FYTTD1: variants seen among roughly 807,000 people sequenced by gnomAD.
The protein encoded by FYTTD1 is UAP56-interacting factor.
In FYTTD1, 22 loss-of-function variants were observed where a neutral mutation model predicts 40.9. The ratio of observed to expected loss-of-function variants is 0.54; its 90% CI spans 0.38 to 0.77. The LOEUF (loss-of-function observed/expected upper bound fraction) is 0.77, where lower values mean the gene tolerates loss of function less well. Among genes scored for constraint, FYTTD1 ranks in the 30% least tolerant of loss-of-function variants. The pLI is 0.00. For synonymous variants in FYTTD1, 140 were observed against 137.9 expected (o/e 1.01, Z -0.10); for missense variants, 351 against 392.2 (o/e 0.90, Z 0.89).
chr3:197,769,753 T>G (rs1729660687), intron 3 of FYTTD1, among the ~76,000 whole-genome samples: 1 of 152,148 alleles, frequency 6.6e-6, no homozygotes, highest in South Asian at 2.1e-4. Flanking sequence ...TTTATAGAAA[T>G]TATTCCCTGA....
At position 197,787,166 on chromosome 3, in the gene FYTTD1, G is replaced by T. The variant is rs1342933823; in HGVS notation, c.*5257G>T. ...CTTGCTCTGTTGCCCAGGCTGGAGTGCAGTAGTGATCTTGGCTCACTGCAG... is the reference window on the plus strand; with the variant it reads ...CTTGCTCTGTTGCCCAGGCTGGAGTTCAGTAGTGATCTTGGCTCACTGCAG... On this transcript the variant is annotated 3_prime_UTR_variant, in exon 9 of 9. Coordinates refer to ENST00000241502, the MANE Select transcript of FYTTD1 (RefSeq NM_032288.7). The T allele has an allele frequency of 7.1e-6, 1 of 139,868 alleles. No individual in the cohort carries two copies. The highest frequency in any genetic ancestry group is 2.2e-4 in the East Asian group (1 of 4,578). The allele number at this position is 139,868 out of a possible 1,614,324, so 8.7% of individuals were successfully genotyped here.
intron 4 of FYTTD1, among the ~76,000 whole-genome samples, chr3:197,771,641 G>A (rs1729719914): frequency 6.6e-6 from 1 of 151,808 alleles, no homozygotes; most frequent in Admixed American, 6.6e-5. Context: ...GCCGGGCGTG[G>A]TGGCGGGCGC....
Position 197,784,714 on chromosome 3 carries a change from C to T in FYTTD1, c.*2805C>T, listed in dbSNP as rs538430225. On this transcript the variant is annotated 3_prime_UTR_variant, in exon 9 of 9. Transcript: ENST00000241502. Reference sequence around the variant, plus strand: ...GCTGAGGCGGGAGAATTGCTTGAATCCAGGAAGCAGAGATTGCAGTGAGCC... The same window carrying T: ...GCTGAGGCGGGAGAATTGCTTGAATTCAGGAAGCAGAGATTGCAGTGAGCC... 1.3e-5 allele frequency: 2 copies of T among 152,264 alleles called. No individual in the cohort carries two copies. The highest frequency in any genetic ancestry group is 3.9e-4 in the East Asian group (2 of 5,180). The allele number at this position is 152,264 out of a possible 1,614,324, so 9.4% of individuals were successfully genotyped here.
chr3:197,750,106 CG>C, intron 1 of FYTTD1, 32 bp downstream of exon 1: 3 of 1,471,274 alleles, frequency 2.0e-6, no homozygotes, highest in South Asian at 1.2e-5. Flanking sequence ...AGTTGGAGTG[CG>C]GGGGAGGGCG....
intron 2 of FYTTD1, among the ~76,000 whole-genome samples, 178 bp from the exon 3 acceptor site, chr3:197,768,261 C>A (rs762778078): frequency 1.2e-4 from 19 of 152,152 alleles, no homozygotes; most frequent in Non-Finnish European, 2.8e-4. Context: ...GCCACAGAAC[C>A]CTTCCCAATG....
chr3:197,775,593 G>A (rs1054592761), intron 6 of FYTTD1, among the ~76,000 whole-genome samples: 5 of 152,120 alleles, frequency 3.3e-5, no homozygotes, highest in Non-Finnish European at 5.9e-5. Flanking sequence ...TTCATTCTGC[G>A]GTTGCAACTG....
chr3:197,754,784 C>T (rs1729164401), intron 1 of FYTTD1, among the ~76,000 whole-genome samples: 1 of 151,686 alleles, frequency 6.6e-6, no homozygotes, highest in Non-Finnish European at 1.5e-5. Context: ...CCCACCTCAG[C>T]CTCCTGGGTA....
At chr3:197,750,556 G>A (rs889870682) in intron 1 of FYTTD1, 27 of 985,556 alleles carry the variant, frequency 2.7e-5, no homozygotes, top group African/African-American at 2.1e-4. Context: ...TTAAACCAGC[G>A]CTTCCGGAGC....
In FYTTD1 at chr3:197,750,026, C is replaced by A; in HGVS notation, c.55C>A (p.Pro19Thr). Reference sequence around the variant, plus strand: ...AGCCACGGCGACTTCTTCGCCGCCGCCGAAGGCCCGCAGCAATGAAAACCT... The same window carrying A: ...AGCCACGGCGACTTCTTCGCCGCCGACGAAGGCCCGCAGCAATGAAAACCT... ...VGATATSSPP[P>T]KARSNENLDK... is the part of the protein sequence containing the mutation. The change falls in exon 1 of 9, where the codon CCG becomes ACG. Residue 19 changes from proline (P) to threonine (T), a missense_variant. By Grantham distance (38) the Pro-to-Thr change is conservative. Coordinates refer to ENST00000241502, the MANE Select transcript of FYTTD1 (RefSeq NM_032288.7). 1 of 1,583,444 alleles carries A rather than the reference C, an allele frequency of 6.3e-7. No individual in the cohort carries two copies. The highest frequency in any genetic ancestry group is 1.8e-5 in the Admixed American group (1 of 56,648).
chr3:197,771,108 T>G (rs1729702627), intron 4 of FYTTD1, among the ~76,000 whole-genome samples: 1 of 152,304 alleles, frequency 6.6e-6, no homozygotes, highest in Admixed American at 6.5e-5. Flanking sequence ...TGGTCCCAGC[T>G]ACTTACGAGG....
chr3:197,782,054 T>TA lies in FYTTD1; in HGVS notation c.*156dup, dbSNP rs1287058732. 0.04 allele frequency: 13,178 copies of TA among 330,164 alleles called. No homozygotes were observed. Among genetic ancestry groups the TA allele is most frequent in the East Asian group, 0.049 (1,004 of 20,534 alleles). The allele number at this position is 330,164 out of a possible 1,614,324, so 20.5% of individuals were successfully genotyped here. A position where few individuals can be genotyped will look rare whatever the true frequency, so the allele number is the denominator to read the frequency against. On this transcript the variant is annotated 3_prime_UTR_variant, in exon 9 of 9. Coordinates refer to ENST00000241502, the MANE Select transcript of FYTTD1 (RefSeq NM_032288.7). ...TTTTATTTTTGAAGGTTTTTTTTTT[T>TA]AAAAAAAAAAACGTATAAAATAATG... is the stretch of plus-strand genomic sequence containing the variant.
chr3:197,770,714 A>AT (rs995667608), intron 4 of FYTTD1, among the ~76,000 whole-genome samples: 4,091 of 144,080 alleles, frequency 0.028, 84 homozygotes, highest in Admixed American at 0.054. Flanking sequence ...TGCCCTGCTA[A>AT]TTTTTTTTTT....
At chr3:197,768,270 T>C (rs1729609851) in intron 2 of FYTTD1, among the ~76,000 whole-genome samples, 169 bp from the exon 3 acceptor site, 1 of 152,192 alleles carries the variant, frequency 6.6e-6, no homozygotes, top group African/African-American at 2.4e-5. Context: ...CCCTTCCCAA[T>C]GCAGCAGATT....
chr3:197,773,526 T>TGTTC (rs2109050823), intron 5 of FYTTD1, 27 bp downstream of exon 5: 4 of 1,244,382 alleles, frequency 3.2e-6, no homozygotes, highest in Non-Finnish European at 3.5e-6. Flanking sequence ...GCAGTGTTTT[T>TGTTC]GTTTGTTTGT....
chr3:197,750,814 A>C lies in FYTTD1; in HGVS notation c.103+740A>C, dbSNP rs927307488. The stretch of plus-strand genomic sequence containing the variant: ...GAGAGATGATTGCTGTGGCTCGCTG[A>C]GAAGCCAGGTAAAGCGTGGGGTTCT... On this transcript the variant is annotated intron_variant, in intron 1 of 8. Transcript: ENST00000241502. 4 of 985,326 alleles carry C rather than the reference A, an allele frequency of 4.1e-6. No individual in the cohort carries two copies. The African/African-American group carries it at 7.0e-5, about 17-fold the overall frequency. 61.0% of individuals were successfully genotyped at this position (985,326 alleles called of 1,614,324 possible). A position where few individuals can be genotyped will look rare whatever the true frequency, so the allele number is the denominator to read the frequency against.
chr3:197,766,407 A>G (rs1287178352), intron 2 of FYTTD1, among the ~76,000 whole-genome samples: 1 of 119,298 alleles, frequency 8.4e-6, no homozygotes, highest in South Asian at 2.7e-4. Context: ...TTTGCAATAT[A>G]GGTGTGTGTC....
chr3:197,749,964 C>T lies in FYTTD1; in HGVS notation c.-8C>T, dbSNP rs1413522574. The stretch of plus-strand genomic sequence containing the variant: ...TCCGCGCCCGCTCTCGGCGCGACGT[C>T]TCCAGCCATGAACCGGTTTGGTACC... On this transcript the variant is annotated 5_prime_UTR_variant, in exon 1 of 9. Coordinates refer to ENST00000241502, the MANE Select transcript of FYTTD1 (RefSeq NM_032288.7). The T allele has an allele frequency of 1.9e-6, 3 of 1,566,002 alleles. No individual in the cohort carries two copies. The highest frequency in any genetic ancestry group is 2.6e-6 in the Non-Finnish European group (3 of 1,156,566).
At chr3:197,751,755 A>G (rs1205311159) in intron 1 of FYTTD1, among the ~76,000 whole-genome samples, 3 of 152,068 alleles carry the variant, frequency 2.0e-5, no homozygotes, top group Non-Finnish European at 4.4e-5. Context: ...AGCATTTTAT[A>G]TGTTAACTCA....
chr3:197,771,621 C>T (rs1485174702), intron 4 of FYTTD1, among the ~76,000 whole-genome samples: 1 of 151,230 alleles, frequency 6.6e-6, no homozygotes, highest in Non-Finnish European at 1.5e-5. Flanking sequence ...ACTAAAAATA[C>T]AAAAAATTAG....
Sources: gnomAD v4.1 joint callset for allele counts (sites outside exome capture counted in the v4.1 genomes callset) on GRCh38, gnomAD v4.1.1 for gene constraint, MANE v1.5 for transcripts, NCBI Gene and HGNC (gene_info 2026-07-23, HGNC 2026-07-21) for gene names.